PSD3: variants seen among roughly 807,000 people sequenced by gnomAD.
PSD3 encodes the protein PH and SEC7 domain-containing protein 3.
In PSD3, 49 loss-of-function variants were observed where a neutral mutation model predicts 105.5. The observed-to-expected ratio is 0.46, with a 90% confidence interval of 0.37 to 0.59. The LOEUF (loss-of-function observed/expected upper bound fraction) is 0.59, where lower values mean the gene tolerates loss of function less well. Ranked by LOEUF, PSD3 falls within the 20% of genes least tolerant of loss-of-function variation. The pLI is 0.00. For synonymous variants in PSD3, 557 were observed against 457.8 expected, an observed-to-expected ratio of 1.22 and a Z score of -2.77; for missense variants, 1,561 against 1,263.8, an observed-to-expected ratio of 1.24 and a Z score of -3.57.
chr8:18,691,711 A>G (rs531366522), intron 9 of PSD3, among the ~76,000 whole-genome samples: 3 of 152,340 alleles, frequency 2.0e-5, no homozygotes, highest in Admixed American at 6.5e-5. Flanking sequence ...ATTATCTCTA[A>G]CATCTAGTGT....
At chr8:18,675,012 A>T (rs1209236231) in intron 9 of PSD3, among the ~76,000 whole-genome samples, 1 of 151,920 alleles carries the variant, frequency 6.6e-6, no homozygotes, top group African/African-American at 2.4e-5. Flanking sequence ...AATTTAAAAA[A>T]AAAAGCAACA....
At chr8:19,066,819 A>G (rs1323616864) in intron 1 of PSD3, among the ~76,000 whole-genome samples, 2 of 152,244 alleles carry the variant, frequency 1.3e-5, no homozygotes, top group African/African-American at 2.4e-5. Context: ...AGCTTATACT[A>G]TTAGCCTGGA....
chr8:18,575,178 G>A lies in PSD3; in HGVS notation c.2589C>T (p.Asn863=), dbSNP rs199683977. 52 of 1,613,706 alleles carry A rather than the reference G, an allele frequency of 3.2e-5. No homozygotes were observed. The highest frequency in any genetic ancestry group is 4.3e-5 in the Non-Finnish European group (51 of 1,179,860). The change falls in exon 13 of 16, where the codon AAC becomes AAT. Residue 863 remains asparagine, a synonymous_variant. Transcript: ENST00000327040. The part of the protein sequence containing the change: ...SKATDYEKKP[N]VFKLKTADWR... ...AGTCGGCAGTTTTAAGTTTAAACAC[G>A]TTTGGTTTCTTCTCATAGTCCGTGG...
chr8:18,936,798 A>T (rs1822168195), intron 1 of PSD3, among the ~76,000 whole-genome samples: 1 of 152,050 alleles, frequency 6.6e-6, no homozygotes, highest in African/African-American at 2.4e-5. Context: ...TTTTAAACAC[A>T]TCATTTTCCA....
At chr8:18,862,158 G>A (rs1323660411) in intron 4 of PSD3, among the ~76,000 whole-genome samples, 1 of 152,038 alleles carries the variant, frequency 6.6e-6, no homozygotes, top group East Asian at 1.9e-4. Flanking sequence ...TTCTTTTCTT[G>A]ATTTTTGTTC....
chr8:18,860,885 C>T (rs1369822559), intron 4 of PSD3, among the ~76,000 whole-genome samples: 1 of 152,140 alleles, frequency 6.6e-6, no homozygotes, highest in African/African-American at 2.4e-5. Context: ...ATCACTTATA[C>T]CTCCAATGTC....
chr8:18,996,598 C>T (rs1826089924), intron 1 of PSD3, among the ~76,000 whole-genome samples: 1 of 151,936 alleles, frequency 6.6e-6, no homozygotes, highest in African/African-American at 2.4e-5. Flanking sequence ...TATGCTACTA[C>T]ATGAAGCATC....
intron 2 of PSD3, among the ~76,000 whole-genome samples, chr8:18,895,371 A>T (rs1819078915): frequency 6.6e-6 from 1 of 152,224 alleles, no homozygotes; most frequent in South Asian, 2.1e-4. Context: ...CTTTACTGCC[A>T]AACTTCAGAG....
At chr8:18,536,396 T>C (rs1489127557) in intron 15 of PSD3, among the ~76,000 whole-genome samples, 2 of 152,148 alleles carry the variant, frequency 1.3e-5, no homozygotes, top group African/African-American at 2.4e-5. Context: ...GATATGGTTG[T>C]TTACTCTTTT....
chr8:18,654,089 C>T (rs76477812), intron 10 of PSD3, among the ~76,000 whole-genome samples: 16 of 152,254 alleles, frequency 1.1e-4, no homozygotes, highest in Non-Finnish European at 1.6e-4. Flanking sequence ...TGAAATGGCA[C>T]GCTGCCTTTA....
chr8:19,070,373 A>C (rs1246665005), intron 1 of PSD3, among the ~76,000 whole-genome samples: 1 of 120,874 alleles, frequency 8.3e-6, no homozygotes. Context: ...CATGTGCAAA[A>C]AAAAAAAAAA....
chr8:18,664,340 T>C (rs1809563028), intron 9 of PSD3, among the ~76,000 whole-genome samples: 1 of 152,202 alleles, frequency 6.6e-6, no homozygotes, highest in Non-Finnish European at 1.5e-5. Flanking sequence ...GAAACAGCTT[T>C]ATTGCTGATA....
chr8:18,904,340 A>C (rs1185980431), intron 2 of PSD3, among the ~76,000 whole-genome samples: 1 of 152,234 alleles, frequency 6.6e-6, no homozygotes, highest in African/African-American at 2.4e-5. Context: ...GTGCACTCTG[A>C]ACTTCAGAAA....
At chr8:18,919,770 TATTC>T (rs1563421060) in intron 2 of PSD3, among the ~76,000 whole-genome samples, 5 of 146,388 alleles carry the variant, frequency 3.4e-5, no homozygotes, top group Admixed American at 7.2e-5. Flanking sequence ...AAACACCGCA[TATTC>T]TCACTCATAG....
chr8:18,807,206 G>C (rs1811278902), intron 4 of PSD3, among the ~76,000 whole-genome samples: 1 of 152,096 alleles, frequency 6.6e-6, no homozygotes, highest in African/African-American at 2.4e-5. Context: ...TTTTCCCACT[G>C]CTCTACCAAG....
chr8:18,752,593 T>TTATATATTATATATAATACATATAA (rs1805666622), intron 9 of PSD3, among the ~76,000 whole-genome samples: 2 of 80,152 alleles, frequency 2.5e-5, no homozygotes, highest in East Asian at 4.1e-4. Flanking sequence ...ATATTATATA[T>TTATATATTATATATAATACATATAA]TATATATTAT....
chr8:18,918,235 GC>G (rs1820751464), intron 2 of PSD3, among the ~76,000 whole-genome samples: 2 of 152,140 alleles, frequency 1.3e-5, no homozygotes. Flanking sequence ...CAACACCACA[GC>G]TTTATATGTG....
intron 10 of PSD3, among the ~76,000 whole-genome samples, chr8:18,644,674 C>G (rs1418888513): frequency 1.3e-5 from 2 of 152,166 alleles, no homozygotes; most frequent in East Asian, 3.9e-4. Flanking sequence ...TTGCAGCAGT[C>G]TAGGCTTTTT....
At chr8:18,674,844 C>A (rs1277630796) in intron 9 of PSD3, among the ~76,000 whole-genome samples, 1 of 151,946 alleles carries the variant, frequency 6.6e-6, no homozygotes, top group African/African-American at 2.4e-5. Context: ...TCTGTCTCTA[C>A]AAAAAAGTTA....
Sources: allele counts gnomAD v4.1 joint callset (sites outside exome capture counted in the v4.1 genomes callset), GRCh38; gene constraint gnomAD v4.1.1; transcripts MANE v1.5; gene names NCBI Gene and HGNC (gene_info 2026-07-23, HGNC 2026-07-21).